The following BFSP2 variants were observed in gnomAD, a reference collection of about 807,000 sequenced individuals.
BFSP2 encodes the protein phakinin.
A neutral mutation model predicts 44.9 loss-of-function variants in BFSP2; 38 were observed. The ratio of observed to expected loss-of-function variants is 0.85; its 90% CI spans 0.65 to 1.11. BFSP2 has a LOEUF of 1.11. BFSP2 is among the 50% of genes least tolerant of loss of function. The pLI is 0.00. For synonymous variants in BFSP2, 197 were observed against 209.9 expected, an observed-to-expected ratio of 0.94 and a Z score of 0.53; for missense variants, 525 against 533.0, an observed-to-expected ratio of 0.99 and a Z score of 0.15.
rs9823754 is a variant in BFSP2, at chr3:133,472,503, C to T, written c.1182C>T (p.Arg394=). 1 of 1,613,272 alleles carries T rather than the reference C, an allele frequency of 6.2e-7. No individual in the cohort carries two copies. Among genetic ancestry groups the T allele is most frequent in the South Asian group, 1.1e-5 (1 of 91,028 alleles). ...QQQERAHLLA[R]KCQLQKDVAS... is the part of the protein sequence containing the mutation. ...AGGAGCGCGCGCATCTGCTGGCCCG[C>T]AAGTGCCAGCTGCAGAAGGACGTGG... Residue 394 remains arginine, a synonymous_variant, in exon 6 of 7, where the codon CGC becomes CGT. Transcript: ENST00000302334.
intron 4 of BFSP2, among the ~76,000 whole-genome samples, chr3:133,452,038 A>G (rs1459246551): frequency 6.6e-6 from 1 of 152,220 alleles, no homozygotes; most frequent in African/African-American, 2.4e-5. Flanking sequence ...TACGCAGCAG[A>G]ATTATTTCAG....
chr3:133,421,327 G>T lies in BFSP2; in HGVS notation c.489+20755G>T, dbSNP rs896879573. Among the ~76,000 whole-genome samples the T allele has an allele frequency of 3.3e-5, 5 of 152,210 alleles. No individual in the cohort carries two copies. The East Asian group carries it at 7.7e-4, about 23-fold the overall frequency. On this transcript the variant is annotated intron_variant, in intron 1 of 6. Transcript: ENST00000302334. ...TCTCTCACAGGCCTGGAGACTAGAG[G>T]CTGGAAACCAAGATGTTAGCAGGGG...
chr3:133,429,867 T>C (rs1192193229), intron 1 of BFSP2, among the ~76,000 whole-genome samples: 2 of 151,886 alleles, frequency 1.3e-5, no homozygotes. Context: ...AACTCGTCAT[T>C]TAGCATTAGG....
chr3:133,410,965 A>G (rs2073446494), intron 1 of BFSP2: 1 of 152,312 alleles, frequency 6.6e-6, no homozygotes, highest in Non-Finnish European at 1.5e-5. Context: ...GATGTTTTAA[A>G]GTTTAAAGAA....
rs1169423425 is a variant in BFSP2, at chr3:133,472,359, GA to G, written c.1040del (p.Asn347ThrfsTer78). 12 of 1,612,798 alleles carry G rather than the reference GA, an allele frequency of 7.4e-6. No homozygotes were observed. The highest frequency in any genetic ancestry group is 1.0e-5 in the Non-Finnish European group (12 of 1,179,978). On this transcript the variant is annotated frameshift_variant, in exon 6 of 7. Transcript: ENST00000302334. LOFTEE classifies it high-confidence loss of function. ...CTCTTTTGTAGAAACGAGGCCTGGA[GA>G]ACACCTTGCACGATGCCAAGCACTG... ...SLRALKRGLE[N>X]TLHDAKHWHD...
intron 1 of BFSP2, among the ~76,000 whole-genome samples, chr3:133,433,461 T>C (rs138933548): frequency 0.029 from 4,434 of 152,222 alleles, 84 homozygotes; most frequent in Middle Eastern, 0.044. Flanking sequence ...CCCCTCCCTT[T>C]CCTACACATC....
chr3:133,434,498 A>G (rs2073761664), intron 1 of BFSP2, among the ~76,000 whole-genome samples: 1 of 151,742 alleles, frequency 6.6e-6, no homozygotes. Flanking sequence ...CTTCAACACC[A>G]TTTTATTTTT....
intron 1 of BFSP2, among the ~76,000 whole-genome samples, chr3:133,442,156 T>C (rs1373132249): frequency 6.6e-6 from 1 of 152,190 alleles, no homozygotes. Flanking sequence ...TGTTCTGAGA[T>C]GGGCTTTCAC....
At chr3:133,415,076 G>GTCCTCTCCCCTCTACTCA (rs2073504304) in intron 1 of BFSP2, among the ~76,000 whole-genome samples, 1 of 55,198 alleles carries the variant, frequency 1.8e-5, no homozygotes, top group Non-Finnish European at 3.4e-5. Flanking sequence ...CCCTCTACTT[G>GTCCTCTCCCCTCTACTCA]CCCCAGTCCT....
At chr3:133,430,292 A>C (rs371383881) in intron 1 of BFSP2, among the ~76,000 whole-genome samples, 12,900 of 151,554 alleles carry the variant, frequency 0.085, 613 homozygotes, top group Middle Eastern at 0.18. Flanking sequence ...GGCTGGGTCA[A>C]ATGGTATTTC....
intron 1 of BFSP2, among the ~76,000 whole-genome samples, chr3:133,443,186 A>G (rs1223714713): frequency 6.6e-6 from 1 of 152,158 alleles, no homozygotes; most frequent in African/African-American, 2.4e-5. Flanking sequence ...TCATTCGGGG[A>G]CATGTTAAGT....
Position 133,417,668 on chromosome 3 carries a change from G to C in BFSP2, c.489+17096G>C, listed in dbSNP as rs191510636. Among the ~76,000 whole-genome samples, 14 of 117,948 alleles carry C rather than the reference G, an allele frequency of 1.2e-4. 1 individual carries two copies. Among genetic ancestry groups the C allele is most frequent in the African/African-American group, 4.7e-4 (14 of 29,926 alleles). The allele number at this position is 117,948 out of a possible 152,430, so 77.4% of individuals were successfully genotyped here. A position where few individuals can be genotyped will look rare whatever the true frequency, so the allele number is the denominator to read the frequency against. The stretch of plus-strand genomic sequence containing the variant: ...TGTCCTCTTCCCTCTACTCACCCCT[G>C]CCCTCTCCTCTCTACTCAACCCTGT... On this transcript the variant is annotated intron_variant, in intron 1 of 6. Transcript: ENST00000302334.
intron 1 of BFSP2, among the ~76,000 whole-genome samples, chr3:133,416,325 G>A (rs77393845): frequency 0.045 from 3,734 of 82,484 alleles, 79 homozygotes; most frequent in Middle Eastern, 0.086. Context: ...CTACTCACCC[G>A]TCCTCTCCCT....
At chr3:133,413,381 G>T (rs116570170) in intron 1 of BFSP2, among the ~76,000 whole-genome samples, 2,907 of 152,070 alleles carry the variant, frequency 0.019, 50 homozygotes, top group Non-Finnish European at 0.032. Context: ...GTACAGAAGA[G>T]CAATAGGAAA....
At chr3:133,426,027 GGGAA>G (rs2073651531) in intron 1 of BFSP2, among the ~76,000 whole-genome samples, 1 of 140,210 alleles carries the variant, frequency 7.1e-6, no homozygotes. Context: ...GGGAAGGGAA[GGGAA>G]GGGAAGGGAA....
chr3:133,404,242 GAAGTCTTGTGGGAC>G (rs2107874686), intron 1 of BFSP2, among the ~76,000 whole-genome samples: 1 of 152,316 alleles, frequency 6.6e-6, no homozygotes, highest in African/African-American at 2.4e-5. Flanking sequence ...TTTTAAAAGT[GAAGTCTTGTGGGAC>G]AATGGAGTAT....
At chr3:133,463,225 C>A (rs543280036) in intron 4 of BFSP2, among the ~76,000 whole-genome samples, 1 of 152,166 alleles carries the variant, frequency 6.6e-6, no homozygotes, top group Admixed American at 6.5e-5. Context: ...AGGAGAATTG[C>A]TTGAACCTGG....
In BFSP2 at chr3:133,447,403, A is replaced by T; in HGVS notation, c.572+4A>T. ...GAGCAGATGACTTTAAAGAGAGGTA[A>T]TGTCTTACAGCAGAGGCGACAGTCC... On this transcript the variant is annotated splice_donor_region_variant and intron_variant, in intron 2 of 6. Coordinates refer to ENST00000302334, the MANE Select transcript of BFSP2 (RefSeq NM_003571.4). 2 of 1,613,682 alleles carry T rather than the reference A, an allele frequency of 1.2e-6. No homozygotes were observed. The highest frequency in any genetic ancestry group is 8.5e-7 in the Non-Finnish European group (1 of 1,179,760).
At chr3:133,431,095 C>G in intron 1 of BFSP2, among the ~76,000 whole-genome samples, 1 of 151,948 alleles carries the variant, frequency 6.6e-6, no homozygotes, top group Non-Finnish European at 1.5e-5. Flanking sequence ...TCGGCAGCAA[C>G]CCTGAGACGC....
Sources: allele counts gnomAD v4.1 joint callset (sites outside exome capture counted in the v4.1 genomes callset), GRCh38; gene constraint gnomAD v4.1.1; transcripts MANE v1.5; gene names NCBI Gene and HGNC (gene_info 2026-07-23, HGNC 2026-07-21).